The following DNER variants were observed in gnomAD, a reference collection of about 807,000 sequenced individuals.
DNER encodes delta/notch like EGF repeat containing, also known as delta and Notch-like epidermal growth factor-related receptor.
In DNER, 33 loss-of-function variants were observed where a neutral mutation model predicts 78.2. The ratio of observed to expected loss-of-function variants is 0.42; its 90% confidence interval spans 0.32 to 0.56. The LOEUF (loss-of-function observed/expected upper bound fraction) is 0.56. Among genes scored for constraint, DNER ranks in the 20% least tolerant of loss-of-function variants. The probability of loss-of-function intolerance (pLI) is 0.11; values close to 1 mark genes in which losing one functional copy is unlikely to be tolerated. For synonymous variants in DNER, 417 were observed against 384.8 expected (o/e 1.08, Z -0.98); for missense variants, 918 against 975.3 (o/e 0.94, Z 0.78).
At chr2:229,485,681 C>T (rs373311649) in intron 6 of DNER, among the ~76,000 whole-genome samples, 4 of 151,904 alleles carry the variant, frequency 2.6e-5, no homozygotes, top group Non-Finnish European at 5.9e-5. Context: ...GAGGTGTAAG[C>T]GAAGTTAGCT....
rs145274417 is a variant in DNER, at chr2:229,634,666, A to C, written c.277-42778T>G. On this transcript the variant is annotated intron_variant, in intron 1 of 12. Coordinates refer to ENST00000341772, the MANE Select transcript of DNER (RefSeq NM_139072.4). ...ATAGATTGGCATTTAGTGCCATTTC[A>C]CAGTCTGGGCAGAATTGGGAACTGG... Among the ~76,000 whole-genome samples the C allele has an allele frequency of 1.0e-3, 153 of 152,318 alleles. 2 individuals are homozygous for C. The highest frequency in any genetic ancestry group is 6.4e-3 in the South Asian group (31 of 4,826).
chr2:229,597,030 CACATAT>C (rs1044936086), intron 1 of DNER, among the ~76,000 whole-genome samples: 5 of 151,296 alleles, frequency 3.3e-5, no homozygotes, highest in Admixed American at 6.6e-5. Flanking sequence ...TGCACACGCA[CACATAT>C]ACATGTACAC....
intron 4 of DNER, among the ~76,000 whole-genome samples, chr2:229,582,213 T>C (rs1226771789): frequency 6.6e-6 from 1 of 152,254 alleles, no homozygotes; most frequent in Non-Finnish European, 1.5e-5. Context: ...ATAAGCTCCT[T>C]TTTAAAAACA....
At chr2:229,458,135 C>CAAAA (rs61340733) in intron 7 of DNER, among the ~76,000 whole-genome samples, 1,150 of 17,666 alleles carry the variant, frequency 0.065, 349 homozygotes, top group African/African-American at 0.19. Flanking sequence ...GACTCTATCT[C>CAAAA]AAAAAAAAAA....
At chr2:229,588,846 G>T (rs1489284873) in intron 2 of DNER, among the ~76,000 whole-genome samples, 1 of 152,248 alleles carries the variant, frequency 6.6e-6, no homozygotes, top group East Asian at 1.9e-4. Context: ...CTAACCAGGA[G>T]GCCAACTTTA....
chr2:229,404,772 T>C (rs1693344563), intron 10 of DNER, among the ~76,000 whole-genome samples: 1 of 152,194 alleles, frequency 6.6e-6, no homozygotes, highest in African/African-American at 2.4e-5. Context: ...CATTTTCTCA[T>C]AAAATACTGA....
At chr2:229,679,853 A>G (rs1015590991) in intron 1 of DNER, among the ~76,000 whole-genome samples, 2 of 152,208 alleles carry the variant, frequency 1.3e-5, no homozygotes, top group East Asian at 1.9e-4. Context: ...ACTGAGGCCA[A>G]TTCCACCACT....
rs149755089 is a variant in DNER at position 229,591,730 on chromosome 2, G to A, written c.435C>T (p.Thr145=). ...GAAGCTGTCGGGGTGCCATGGATTC[G>A]GTCCAGCCAGTGGCTGGGAGACTGG... ...ALPSLPATGW[T]ESMAPRQLQP... Residue 145 remains threonine, a synonymous_variant, in exon 2 of 13, where the codon ACC becomes ACT. Transcript: ENST00000341772. This position sits in a 1 kb window ranked among gnomAD's most constrained non-coding sequence, Gnocchi z 4.6. 1.3e-3 allele frequency: 2,057 copies of A among 1,614,140 alleles called. 2 individuals are homozygous for A. Among genetic ancestry groups the A allele is most frequent in the Middle Eastern group, 2.8e-3 (17 of 6,062 alleles).
chr2:229,668,801 A>T, intron 1 of DNER, among the ~76,000 whole-genome samples: 1 of 151,702 alleles, frequency 6.6e-6, no homozygotes, highest in East Asian at 1.9e-4. Flanking sequence ...CCATTGTGGA[A>T]GACAGTGTGG....
rs111328431 is a variant in DNER, at chr2:229,507,566, C to T, written c.1147+5217G>A. 1.8e-3 allele frequency among the ~76,000 whole-genome samples: 274 copies of T among 152,256 alleles called. 1 individual carries two copies. The highest frequency in any genetic ancestry group is 6.3e-3 in the African/African-American group (263 of 41,540). ...AGAAATGCTGAGAAGATAATAGGCA[C>T]AATTTAAAATACACAGCTATTTAGT... On this transcript the variant is annotated intron_variant, in intron 6 of 12. Coordinates refer to ENST00000341772, the MANE Select transcript of DNER (RefSeq NM_139072.4).
chr2:229,501,189 A>G (rs1695614137), intron 6 of DNER, among the ~76,000 whole-genome samples: 1 of 152,140 alleles, frequency 6.6e-6, no homozygotes, highest in Admixed American at 6.6e-5. Context: ...GTCAAAGGAT[A>G]CAAAATCTCA....
intron 1 of DNER, among the ~76,000 whole-genome samples, chr2:229,649,764 T>C (rs115726119): frequency 1.3e-5 from 2 of 152,206 alleles, no homozygotes; most frequent in Non-Finnish European, 2.9e-5. Flanking sequence ...CTGCTATCTC[T>C]TCTCACATCT....
intron 6 of DNER, among the ~76,000 whole-genome samples, chr2:229,484,181 G>T (rs1036401388): frequency 1.3e-5 from 2 of 152,184 alleles, no homozygotes; most frequent in Non-Finnish European, 2.9e-5. Context: ...CTTAGGTTTA[G>T]CCTCTCCCTA....
rs1179214975 is a variant in DNER at position 229,477,952 on chromosome 2, C to A, written c.1148-699G>T. Among the ~76,000 whole-genome samples, 4 of 152,218 alleles carry A rather than the reference C, an allele frequency of 2.6e-5. No individual in the cohort carries two copies. The South Asian group carries it at 8.3e-4, about 32-fold the overall frequency. On this transcript the variant is annotated intron_variant, in intron 6 of 12. Coordinates refer to ENST00000341772, the MANE Select transcript of DNER (RefSeq NM_139072.4). The stretch of plus-strand genomic sequence containing the variant: ...ATAAGGATGTAAATCGATTGGAACA[C>A]CTGTGCAGTCAAAAAGCTTTAAATA...
At chr2:229,544,950 C>A (rs936934987) in intron 5 of DNER, among the ~76,000 whole-genome samples, 29 of 152,150 alleles carry the variant, frequency 1.9e-4, no homozygotes, top group African/African-American at 6.8e-4. Flanking sequence ...TGTTAGTCCC[C>A]CTCCTCACAC....
intron 1 of DNER, among the ~76,000 whole-genome samples, chr2:229,646,964 C>G (rs1314911389): frequency 6.6e-6 from 1 of 152,150 alleles, no homozygotes; most frequent in Non-Finnish European, 1.5e-5. Context: ...GTCAAGAGAT[C>G]GCGACCATCC....
chr2:229,424,204 T>C (rs1403450129), intron 8 of DNER, among the ~76,000 whole-genome samples: 2 of 152,230 alleles, frequency 1.3e-5, no homozygotes, highest in Non-Finnish European at 2.9e-5. Context: ...GGTAGCAAGT[T>C]AGCAGCATCT....
intron 8 of DNER, among the ~76,000 whole-genome samples, chr2:229,429,055 A>T (rs1465005261): frequency 6.6e-6 from 1 of 152,174 alleles, no homozygotes; most frequent in Non-Finnish European, 1.5e-5. Flanking sequence ...GGGCCCCTGC[A>T]GAGTGATGTC....
chr2:229,712,435 T>A (rs914059326), intron 1 of DNER, among the ~76,000 whole-genome samples: 6 of 152,218 alleles, frequency 3.9e-5, no homozygotes, highest in Non-Finnish European at 7.3e-5. Context: ...GAGTCTTTCT[T>A]CTCATGTAAA....
Sources: allele counts gnomAD v4.1 joint callset (sites outside exome capture counted in the v4.1 genomes callset), GRCh38; gene constraint gnomAD v4.1.1; non-coding constraint Gnocchi (gnomAD v3.1); transcripts MANE v1.5; gene names NCBI Gene and HGNC (gene_info 2026-07-23, HGNC 2026-07-21).